Variants in MIB1 observed in about 807,000 individuals in gnomAD.
MIB1 encodes the protein E3 ubiquitin-protein ligase MIB1.
MIB1 carries 278 observed loss-of-function variants against 124.5 expected under a neutral mutation model. The ratio of observed to expected loss-of-function variants is 2.23; its 90% confidence interval spans 2.02 to 2.47. The LOEUF (loss-of-function observed/expected upper bound fraction) is 2.47. Ranked by LOEUF, MIB1 falls within the 30% of genes most tolerant of loss-of-function variation. The pLI, the probability that MIB1 is intolerant of heterozygous loss-of-function variation, is 0.00. For missense variants in MIB1, 957 were observed against 1,254.4 expected, an observed-to-expected ratio of 0.76 and a Z score of 3.58; for synonymous variants, 446 against 429.4, an observed-to-expected ratio of 1.04 and a Z score of -0.48.
At position 21,741,570 on chromosome 18, in the gene MIB1, C is replaced by G. The variant is rs1376431672; in HGVS notation, c.-14C>G. On this transcript the variant is annotated 5_prime_UTR_variant, in exon 1 of 21. Coordinates refer to ENST00000261537, the MANE Select transcript of MIB1 (RefSeq NM_020774.4). The surrounding 1 kb of genome is among the most constrained non-coding windows in gnomAD (Gnocchi z 5.4). ...GCGGCGGCGGCAGCGGCGGAGCCCA[C>G]CGCCCGGGCCCCGATGAGTAACTCC... The G allele has an allele frequency of 7.2e-7, 1 of 1,379,344 alleles. No homozygotes were observed. The highest frequency in any genetic ancestry group is 9.4e-7 in the Non-Finnish European group (1 of 1,066,944). The allele number at this position is 1,379,344 out of a possible 1,614,324, so 85.4% of individuals were successfully genotyped here.
intron 10 of MIB1, among the ~76,000 whole-genome samples, chr18:21,809,955 G>A (rs1008381323): frequency 1.3e-5 from 2 of 152,182 alleles, no homozygotes; most frequent in East Asian, 1.9e-4. Flanking sequence ...AATTATCTCT[G>A]TTTGCAGTGA....
At chr18:21,842,565 GTTC>G (rs1373130358) in intron 13 of MIB1, among the ~76,000 whole-genome samples, 2 of 152,054 alleles carry the variant, frequency 1.3e-5, no homozygotes, top group African/African-American at 4.8e-5. Flanking sequence ...TTCTCATACG[GTTC>G]TTCAGCTGCC....
chr18:21,758,839 T>C (rs546189288), intron 1 of MIB1, among the ~76,000 whole-genome samples: 4 of 152,320 alleles, frequency 2.6e-5, no homozygotes, highest in African/African-American at 9.6e-5. Flanking sequence ...AGCTGACTTA[T>C]AAATTTTTTT....
At chr18:21,789,495 A>G (rs2041477070) in intron 6 of MIB1, among the ~76,000 whole-genome samples, 1 of 152,070 alleles carries the variant, frequency 6.6e-6, no homozygotes, top group Admixed American at 6.5e-5. Flanking sequence ...CCCACAATAG[A>G]TGGCAGTATT....
intron 6 of MIB1, among the ~76,000 whole-genome samples, chr18:21,785,093 C>T (rs1342357035): frequency 1.3e-5 from 2 of 152,214 alleles, no homozygotes; most frequent in Admixed American, 1.3e-4. Flanking sequence ...TCCTCTCTCT[C>T]TTTCTGCCTC....
chr18:21,856,259 A>AACAAAAC (rs2042227229), intron 18 of MIB1, among the ~76,000 whole-genome samples: 1 of 151,650 alleles, frequency 6.6e-6, no homozygotes, highest in Non-Finnish European at 1.5e-5. Context: ...AAAAACAAAA[A>AACAAAAC]ACAAAACAAA....
chr18:21,711,706 AT>A (rs1568173808), intron 1 of MIB1, among the ~76,000 whole-genome samples: 1 of 151,650 alleles, frequency 6.6e-6, no homozygotes, highest in Non-Finnish European at 1.5e-5. Flanking sequence ...CTTTCTTTTT[AT>A]TTTTTTGACA....
At chr18:21,773,298 T>G (rs2041242900) in intron 3 of MIB1, among the ~76,000 whole-genome samples, 1 of 152,134 alleles carries the variant, frequency 6.6e-6, no homozygotes, top group South Asian at 2.1e-4. Context: ...AAACTGTTCT[T>G]AAAGGAATCT....
intron 19 of MIB1, among the ~76,000 whole-genome samples, chr18:21,858,197 G>A (rs2146520795): frequency 6.6e-6 from 1 of 152,282 alleles, no homozygotes; most frequent in Non-Finnish European, 1.5e-5. Flanking sequence ...TACTTTCTTG[G>A]TTCATATGGT....
At chr18:21,724,867 C>T (rs2040734150) in intron 1 of MIB1, among the ~76,000 whole-genome samples, 1 of 142,780 alleles carries the variant, frequency 7.0e-6, no homozygotes, top group African/African-American at 2.6e-5. Context: ...CCGAGGCGGG[C>T]GGATCACGAG....
chr18:21,815,156 C>G (rs2041818565), intron 10 of MIB1, among the ~76,000 whole-genome samples: 1 of 148,522 alleles, frequency 6.7e-6, no homozygotes, highest in Non-Finnish European at 1.5e-5. Context: ...CTGTTCAAGT[C>G]AGTTTCTAGG....
Position 21,765,933 on chromosome 18 carries a change from G to A in MIB1, c.391G>A (p.Gly131Arg), listed in dbSNP as rs2041153264. The A allele has an allele frequency of 3.7e-6, 6 of 1,613,950 alleles. No individual in the cohort carries two copies. Among genetic ancestry groups the A allele is most frequent in the East Asian group, 4.5e-5 (2 of 44,878 alleles). Residue 131 changes from glycine (G) to arginine (R), a missense_variant, in exon 2 of 21, where the codon GGA becomes AGA. Gly to Arg is a moderately radical substitution (Grantham distance 125). Transcript: ENST00000261537. Reference sequence around the variant, plus strand: ...TCGCTTTTACCGAATTACTACACCGGGAAGTGAGAGGTAGGGAGAACCCTT... The same window carrying A: ...TCGCTTTTACCGAATTACTACACCGAGAAGTGAGAGGTAGGGAGAACCCTT... ...RHRFYRITTPGSERVLLESRR... is the reference protein window; with the variant it reads ...RHRFYRITTPRSERVLLESRR...
At chr18:21,842,925 C>T (rs576343957) in intron 13 of MIB1, among the ~76,000 whole-genome samples, 47 of 152,244 alleles carry the variant, frequency 3.1e-4, no homozygotes, top group Non-Finnish European at 7.4e-5. Flanking sequence ...TTAAAACTTG[C>T]TGTTTTACTT....
intron 1 of MIB1, among the ~76,000 whole-genome samples, chr18:21,730,237 A>G (rs1290885716): frequency 6.6e-6 from 1 of 152,038 alleles, no homozygotes. Flanking sequence ...TCTTCGGCTC[A>G]TATTTCTCCT....
chr18:21,819,413 T>C (rs2041859497), intron 11 of MIB1, 82 bp from the exon 12 acceptor site: 2 of 827,752 alleles, frequency 2.4e-6, no homozygotes, highest in Non-Finnish European at 3.7e-6. Context: ...TCTGCTTCTG[T>C]TTGCTTAGCA....
intron 6 of MIB1, among the ~76,000 whole-genome samples, chr18:21,783,016 A>G (rs1317390248): frequency 6.6e-6 from 1 of 152,168 alleles, no homozygotes; most frequent in Admixed American, 6.5e-5. Context: ...TTATTATTAT[A>G]CAGTGACTTT....
At chr18:21,859,011 T>C (rs970676315) in intron 20 of MIB1, among the ~76,000 whole-genome samples, 3 of 152,198 alleles carry the variant, frequency 2.0e-5, no homozygotes, top group Admixed American at 6.5e-5. Flanking sequence ...TGGGAATATA[T>C]ATTAGTAGAA....
intron 4 of MIB1, among the ~76,000 whole-genome samples, chr18:21,776,207 C>T (rs1048799593): frequency 6.7e-6 from 1 of 149,220 alleles, no homozygotes; most frequent in Non-Finnish European, 1.5e-5. Context: ...CCTAGGAGGT[C>T]GAGGCTGCAG....
Position 21,849,383 on chromosome 18 carries a change from A to G in MIB1, c.2581A>G (p.Thr861Ala). 1 of 1,589,698 alleles carries G rather than the reference A, an allele frequency of 6.3e-7. No homozygotes were observed. The highest frequency in any genetic ancestry group is 8.6e-7 in the Non-Finnish European group (1 of 1,166,038). Residue 861 changes from threonine to alanine, a missense_variant, in exon 17 of 21, where the codon ACA becomes GCA. Physicochemically the swap from Thr to Ala is moderately conservative, Grantham distance 58 (BLOSUM62 0). Transcript: ENST00000261537. ...CTGTAAAGAACAGGTTCAATCCAGG[A>G]CAAAGGTAAGATATATTTAATATAG... is the stretch of plus-strand genomic sequence containing the variant. ...LICKEQVQSR[T>A]KIEECVVCSD...
Sources: gnomAD v4.1 joint callset for allele counts (sites outside exome capture counted in the v4.1 genomes callset) on GRCh38, gnomAD v4.1.1 for gene constraint, Gnocchi (gnomAD v3.1) non-coding constraint, MANE v1.5 for transcripts, NCBI Gene and HGNC (gene_info 2026-07-23, HGNC 2026-07-21) for gene names.